Variants in RBFOX1 observed in about 807,000 individuals in gnomAD.
RBFOX1 encodes the protein RNA binding protein fox-1 homolog 1.
In RBFOX1, 8 loss-of-function variants were observed where a neutral mutation model predicts 57.7. The ratio of observed to expected loss-of-function variants is 0.14; its 90% CI spans 0.08 to 0.25. The LOEUF is 0.25. RBFOX1 is among the 10% of genes least tolerant of loss of function. The pLI, the probability that RBFOX1 is intolerant of heterozygous loss-of-function variation, is 1.00. For missense variants in RBFOX1, 611 were observed against 548.5 expected (o/e 1.11, Z -1.14); for synonymous variants, 326 against 222.4 (o/e 1.47, Z -4.15).
chr16:5,673,324 G>T (rs968068883), intron 3 of RBFOX1, among the ~76,000 whole-genome samples: 27 of 152,180 alleles, frequency 1.8e-4, no homozygotes, highest in Non-Finnish European at 3.1e-4. Flanking sequence ...CAGGAAGCAG[G>T]TTCCAAGGTC....
chr16:6,051,408 ACCTCTG>A (rs1342721424), intron 1 of RBFOX1, among the ~76,000 whole-genome samples: 1 of 151,954 alleles, frequency 6.6e-6, no homozygotes, highest in Non-Finnish European at 1.5e-5. Flanking sequence ...GCTTACTGCA[ACCTCTG>A]CCTCCTGGGT....
At chr16:5,778,494 G>C (rs948750137) in intron 3 of RBFOX1, among the ~76,000 whole-genome samples, 7 of 152,088 alleles carry the variant, frequency 4.6e-5, no homozygotes, top group African/African-American at 1.7e-4. Flanking sequence ...GGGAACCAGG[G>C]GACATCTCAC....
chr16:6,939,446 C>G (rs78264411), intron 3 of RBFOX1, among the ~76,000 whole-genome samples: 5,427 of 149,986 alleles, frequency 0.036, 322 homozygotes, highest in African/African-American at 0.12. Context: ...CTGTTTTTAT[C>G]TGGGTTAATG....
intron 3 of RBFOX1, among the ~76,000 whole-genome samples, chr16:6,810,435 C>G (rs751992083): frequency 6.6e-6 from 1 of 152,110 alleles, no homozygotes; most frequent in Non-Finnish European, 1.5e-5. Flanking sequence ...AGAAGGATGA[C>G]TAAAAAGATG....
At chr16:6,876,901 C>G (rs9925723) in intron 3 of RBFOX1, among the ~76,000 whole-genome samples, 1 of 152,022 alleles carries the variant, frequency 6.6e-6, no homozygotes, top group African/African-American at 2.4e-5. Context: ...TTTAGCCCAC[C>G]AAGTACTGGG....
intron 14 of RBFOX1, among the ~76,000 whole-genome samples, chr16:7,681,488 A>C (rs2074734682): frequency 6.6e-6 from 1 of 152,162 alleles, no homozygotes; most frequent in Non-Finnish European, 1.5e-5. Context: ...CAGATTAAGT[A>C]GTAGAGAAAG....
At chr16:6,289,726 C>A (rs1438261838) in intron 1 of RBFOX1, among the ~76,000 whole-genome samples, 2 of 152,096 alleles carry the variant, frequency 1.3e-5, no homozygotes, top group Non-Finnish European at 2.9e-5. Flanking sequence ...ATGGTTGCAT[C>A]CTGGGGGGAA....
chr16:6,922,532 C>T (rs377493623), intron 3 of RBFOX1, among the ~76,000 whole-genome samples: 2 of 152,174 alleles, frequency 1.3e-5, no homozygotes, highest in African/African-American at 4.8e-5. Flanking sequence ...CTTTTATTTT[C>T]CTGCGTCTGT....
intron 4 of RBFOX1, among the ~76,000 whole-genome samples, chr16:7,457,902 A>C (rs900683635): frequency 6.6e-6 from 1 of 152,084 alleles, no homozygotes; most frequent in African/African-American, 2.4e-5. Context: ...TGTCCAGTTA[A>C]CGTATATTCT....
chr16:5,761,801 C>T (rs1252323813), intron 3 of RBFOX1, among the ~76,000 whole-genome samples: 1 of 152,170 alleles, frequency 6.6e-6, no homozygotes, highest in Non-Finnish European at 1.5e-5. Context: ...GGCACATTCT[C>T]TGGGAAGACA....
intron 4 of RBFOX1, among the ~76,000 whole-genome samples, chr16:7,390,203 C>A (rs1007631911): frequency 6.6e-6 from 1 of 152,156 alleles, no homozygotes; most frequent in African/African-American, 2.4e-5. Context: ...ATTCTGTCAT[C>A]TCGCACCAGA....
chr16:7,593,312 G>C (rs973099997), intron 7 of RBFOX1, among the ~76,000 whole-genome samples: 1 of 152,156 alleles, frequency 6.6e-6, no homozygotes, highest in Non-Finnish European at 1.5e-5. Flanking sequence ...GGCTAAGTTT[G>C]AGATATACTG....
intron 10 of RBFOX1, among the ~76,000 whole-genome samples, chr16:7,619,924 C>T (rs2059050050): frequency 6.6e-6 from 1 of 152,232 alleles, no homozygotes; most frequent in African/African-American, 2.4e-5. Context: ...GGACAGGAAT[C>T]CTAGCCCAGA....
At chr16:7,076,654 T>G (rs146387444) in intron 4 of RBFOX1, among the ~76,000 whole-genome samples, 65 of 152,288 alleles carry the variant, frequency 4.3e-4, no homozygotes, top group African/African-American at 1.5e-3. Context: ...TAATATACCA[T>G]CATACTAACA....
intron 2 of RBFOX1, among the ~76,000 whole-genome samples, chr16:6,633,338 C>T (rs1011970652): frequency 3.9e-5 from 6 of 152,128 alleles, no homozygotes; most frequent in Non-Finnish European, 7.3e-5. Context: ...AATGCAGCGG[C>T]ACGATCTTGG....
At chr16:6,840,614 C>A (rs2093405009) in intron 3 of RBFOX1, among the ~76,000 whole-genome samples, 1 of 152,012 alleles carries the variant, frequency 6.6e-6, no homozygotes, top group African/African-American at 2.4e-5. Context: ...TGAGTCTGGT[C>A]ACAGTGGCTC....
At chr16:7,453,498 A>G (rs955797657) in intron 4 of RBFOX1, among the ~76,000 whole-genome samples, 2 of 152,204 alleles carry the variant, frequency 1.3e-5, no homozygotes, top group African/African-American at 4.8e-5. Context: ...TTGTAGCCTT[A>G]AAAGGACGAG....
intron 3 of RBFOX1, among the ~76,000 whole-genome samples, chr16:6,873,238 A>G (rs978027169): frequency 6.6e-6 from 1 of 152,140 alleles, no homozygotes; most frequent in Non-Finnish European, 1.5e-5. Flanking sequence ...AAATAAACGT[A>G]TGAAATGGAT....
intron 4 of RBFOX1, among the ~76,000 whole-genome samples, chr16:5,873,287 C>T (rs976022301): frequency 3.9e-5 from 6 of 152,154 alleles, no homozygotes; most frequent in Admixed American, 2.6e-4. Context: ...CTGCCCTAAC[C>T]AGACAGAAGT....
Sources: allele counts gnomAD v4.1 joint callset (sites outside exome capture counted in the v4.1 genomes callset), GRCh38; gene constraint gnomAD v4.1.1; transcripts MANE v1.5; gene names NCBI Gene and HGNC (gene_info 2026-07-23, HGNC 2026-07-21).